CNTN5: variants seen among roughly 807,000 people sequenced by gnomAD.
The protein encoded by CNTN5 is contactin-5.
In CNTN5, 77 loss-of-function variants were observed where a neutral mutation model predicts 129.1. The observed-to-expected ratio is 0.60, with a 90% CI of 0.50 to 0.72. The LOEUF (loss-of-function observed/expected upper bound fraction) is 0.72, where lower values mean the gene tolerates loss of function less well. Ranked by LOEUF, CNTN5 falls within the 30% of genes least tolerant of loss-of-function variation. The pLI, the probability that CNTN5 is intolerant of heterozygous loss-of-function variation, is 0.00. For missense variants in CNTN5, 1,478 were observed against 1,328.8 expected, an observed-to-expected ratio of 1.11 and a Z score of -1.75; for synonymous variants, 509 against 465.6, an observed-to-expected ratio of 1.09 and a Z score of -1.20.
chr11:100,058,314 C>T (rs539715915), intron 9 of CNTN5, among the ~76,000 whole-genome samples: 2 of 152,134 alleles, frequency 1.3e-5, no homozygotes, highest in Admixed American at 1.3e-4. Flanking sequence ...TATAATTTCC[C>T]TACAATTTAA....
At chr11:99,394,376 AACTC>A (rs1406561747) in intron 2 of CNTN5, among the ~76,000 whole-genome samples, 3 of 151,626 alleles carry the variant, frequency 2.0e-5, no homozygotes, top group African/African-American at 7.2e-5. Flanking sequence ...AATTACCTCA[AACTC>A]ACATTAAAAT....
chr11:99,088,401 A>C (rs1048347382), intron 1 of CNTN5, among the ~76,000 whole-genome samples: 1 of 152,152 alleles, frequency 6.6e-6, no homozygotes, highest in Non-Finnish European at 1.5e-5. Flanking sequence ...TTCGGCCTTG[A>C]GATCAAGGCC....
intron 6 of CNTN5, among the ~76,000 whole-genome samples, chr11:99,879,054 C>T (rs1224729220): frequency 1.3e-5 from 2 of 152,010 alleles, no homozygotes; most frequent in Admixed American, 6.5e-5. Flanking sequence ...TCTCCTGCCT[C>T]AGCCTCCCGA....
At chr11:99,939,058 T>G (rs1950376673) in intron 7 of CNTN5, among the ~76,000 whole-genome samples, 1 of 152,116 alleles carries the variant, frequency 6.6e-6, no homozygotes, top group Admixed American at 6.6e-5. Flanking sequence ...AGCTGATTTA[T>G]CAACCCTCCG....
chr11:99,899,443 G>T (rs1043449569), intron 6 of CNTN5, among the ~76,000 whole-genome samples: 1 of 151,878 alleles, frequency 6.6e-6, no homozygotes, highest in African/African-American at 2.4e-5. Flanking sequence ...AGAGATGTTG[G>T]ATTTTATCCA....
At chr11:99,986,812 A>T (rs771194423) in intron 8 of CNTN5, among the ~76,000 whole-genome samples, 1 of 152,178 alleles carries the variant, frequency 6.6e-6, no homozygotes, top group East Asian at 1.9e-4. Flanking sequence ...GGATCTTCAC[A>T]TTGCCAAAGC....
intron 9 of CNTN5, among the ~76,000 whole-genome samples, chr11:100,048,086 G>A (rs111731785): frequency 0.014 from 2,059 of 152,158 alleles, 59 homozygotes; most frequent in African/African-American, 0.047. Context: ...AGTCGAGATC[G>A]CGCCACTGTA....
At chr11:99,271,747 A>G (rs567492629) in intron 1 of CNTN5, among the ~76,000 whole-genome samples, 3 of 151,956 alleles carry the variant, frequency 2.0e-5, no homozygotes, top group South Asian at 4.1e-4. Context: ...CTTACTGACT[A>G]TTGATAAAAG....
At chr11:99,861,192 C>T (rs139104177) in intron 6 of CNTN5, among the ~76,000 whole-genome samples, 1,598 of 152,086 alleles carry the variant, frequency 0.011, 33 homozygotes, top group African/African-American at 0.036. Flanking sequence ...CTCCTGACCT[C>T]GTGATCCGCC....
Position 99,662,713 on chromosome 11 carries a change from G to C in CNTN5, c.55+106444G>C, listed in dbSNP as rs1057228984. 3.9e-5 allele frequency among the ~76,000 whole-genome samples: 6 copies of C among 152,160 alleles called. No individual in the cohort carries two copies. In the East Asian group the frequency reaches 7.7e-4, roughly 20 times the overall value. ...AGGAGCTCAAGTACATTTGAACACT[G>C]CTGTGATCTGGAAATTTACAACTTG... On this transcript the variant is annotated intron_variant, in intron 3 of 24. Coordinates refer to ENST00000524871, the MANE Select transcript of CNTN5 (RefSeq NM_014361.4).
intron 15 of CNTN5, among the ~76,000 whole-genome samples, chr11:100,202,649 C>A (rs1450050884): frequency 6.6e-6 from 1 of 151,722 alleles, no homozygotes; most frequent in Admixed American, 6.6e-5. Context: ...CTGAGTAAGA[C>A]CTAAGCTAAA....
At chr11:99,167,910 G>A (rs1860952405) in intron 1 of CNTN5, among the ~76,000 whole-genome samples, 1 of 151,430 alleles carries the variant, frequency 6.6e-6, no homozygotes, top group South Asian at 2.1e-4. Context: ...TGACCCCAAA[G>A]CCTATTTTTA....
chr11:99,463,055 C>G (rs1944779633), intron 2 of CNTN5, among the ~76,000 whole-genome samples: 1 of 151,464 alleles, frequency 6.6e-6, no homozygotes, highest in African/African-American at 2.4e-5. Flanking sequence ...TTGCAGTGAG[C>G]AGATATCACG....
intron 2 of CNTN5, among the ~76,000 whole-genome samples, chr11:99,469,765 T>C (rs1413023542): frequency 6.6e-6 from 1 of 152,146 alleles, no homozygotes; most frequent in Non-Finnish European, 1.5e-5. Context: ...GCTTTTGATT[T>C]GGAGTTGCAC....
intron 2 of CNTN5, among the ~76,000 whole-genome samples, chr11:99,494,730 A>G (rs1341390221): frequency 6.6e-6 from 1 of 152,180 alleles, no homozygotes; most frequent in Non-Finnish European, 1.5e-5. Flanking sequence ...AACCAAGCTG[A>G]CGGGCATGCC....
intron 6 of CNTN5, among the ~76,000 whole-genome samples, chr11:99,869,782 T>A (rs1410962607): frequency 6.6e-6 from 1 of 152,174 alleles, no homozygotes; most frequent in Non-Finnish European, 1.5e-5. Flanking sequence ...TCTGTTCAAT[T>A]TGCTTCTGCA....
chr11:99,382,845 C>CATTTTTTTT (rs1417732458), intron 2 of CNTN5, among the ~76,000 whole-genome samples: 1 of 77,032 alleles, frequency 1.3e-5, no homozygotes, highest in African/African-American at 6.2e-5. Context: ...CTCTAAATAA[C>CATTTTTTTT]TTTTTTTTTT....
chr11:99,408,085 A>G (rs1261820402), intron 2 of CNTN5, among the ~76,000 whole-genome samples: 2 of 152,072 alleles, frequency 1.3e-5, no homozygotes, highest in African/African-American at 4.8e-5. Context: ...GATAGTCATT[A>G]AATTAGTGTC....
At chr11:99,856,011 T>A (rs1169680484) in intron 6 of CNTN5, among the ~76,000 whole-genome samples, 2 of 152,190 alleles carry the variant, frequency 1.3e-5, no homozygotes, top group African/African-American at 4.8e-5. Flanking sequence ...TAGGCTAAAC[T>A]GATAATTTTC....
Sources: allele counts gnomAD v4.1 joint callset (sites outside exome capture counted in the v4.1 genomes callset), GRCh38; gene constraint gnomAD v4.1.1; transcripts MANE v1.5; gene names NCBI Gene and HGNC (gene_info 2026-07-23, HGNC 2026-07-21).